The following MAP7 variants were observed in gnomAD, a reference collection of about 807,000 sequenced individuals.
The protein encoded by MAP7 is ensconsin.
MAP7 carries 52 observed loss-of-function variants against 94.8 expected under a neutral mutation model. The ratio of observed to expected loss-of-function variants is 0.55; its 90% confidence interval spans 0.44 to 0.69. The LOEUF is 0.69. Ranked by LOEUF, MAP7 falls within the 30% of genes least tolerant of loss-of-function variation. MAP7 has a pLI of 0.00. For synonymous variants in MAP7, 350 were observed against 357.0 expected, an observed-to-expected ratio of 0.98 and a Z score of 0.22; for missense variants, 940 against 964.6, an observed-to-expected ratio of 0.97 and a Z score of 0.34.
intron 3 of MAP7, among the ~76,000 whole-genome samples, chr6:136,409,434 T>C (rs1380240414): frequency 6.6e-6 from 1 of 152,224 alleles, no homozygotes; most frequent in East Asian, 1.9e-4. Context: ...ATATCATATA[T>C]TGGCTCACCA....
chr6:136,520,261 T>C (rs929125666), intron 1 of MAP7, among the ~76,000 whole-genome samples: 2 of 149,814 alleles, frequency 1.3e-5, no homozygotes, highest in East Asian at 1.9e-4. Flanking sequence ...AACAAAGAGA[T>C]AATCTCTGGT....
intron 1 of MAP7, among the ~76,000 whole-genome samples, chr6:136,429,247 C>T (rs565063576): frequency 6.6e-6 from 1 of 152,138 alleles, no homozygotes; most frequent in African/African-American, 2.4e-5. Context: ...TAGAAAGGAG[C>T]GCTCAGTCTC....
chr6:136,362,629 GGGGACCGGGGCTGGAGCT>G lies in MAP7; in HGVS notation c.1329_1346del (p.Ala444_Pro449del). The G allele has an allele frequency of 6.2e-7, 1 of 1,612,530 alleles. No individual in the cohort carries two copies. Among genetic ancestry groups the G allele is most frequent in the Non-Finnish European group, 8.5e-7 (1 of 1,179,294 alleles). Reference sequence around the variant, plus strand: ...ACGGGGCTGAGACCATGGCTGGGGTGGGGACCGGGGCTGGAGCTGGGGCCGAGGCTGGAGCTGGGGCCG... The same window carrying G: ...ACGGGGCTGAGACCATGGCTGGGGTGGGGGCCGAGGCTGGAGCTGGGGCCG... On this transcript the variant is annotated inframe_deletion, in exon 11 of 18. Transcript: ENST00000354570.
chr6:136,402,540 T>G (rs1358299602), intron 3 of MAP7, among the ~76,000 whole-genome samples: 1 of 152,076 alleles, frequency 6.6e-6, no homozygotes, highest in Non-Finnish European at 1.5e-5. Flanking sequence ...GGGGTTGAGG[T>G]GCTAGAATAG....
chr6:136,433,271 C>T (rs897207805), intron 1 of MAP7, among the ~76,000 whole-genome samples: 1 of 152,210 alleles, frequency 6.6e-6, no homozygotes, highest in Non-Finnish European at 1.5e-5. Context: ...CAACTAATTT[C>T]ATCATTTTCA....
chr6:136,377,769 A>T lies in MAP7; in HGVS notation c.737T>A (p.Leu246Ter). Residue 246 changes from leucine (L) to a stop codon, truncating the protein, a stop_gained, in exon 7 of 18, where the codon TTG becomes TAG. Coordinates refer to ENST00000354570, the MANE Select transcript of MAP7 (RefSeq NM_003980.6). LOFTEE classifies it high-confidence loss of function. ...FLARSKSTAALSGEAASCSPI... is the reference protein window; with the variant it reads ...FLARSKSTAA ...GACAGTTTTACCTGCTTCTCCAGAC[A>T]AGGCAGCTGTGCTTTTACTTCTGGC... is the stretch of plus-strand genomic sequence containing the variant. 2 of 1,613,978 alleles carry T rather than the reference A, an allele frequency of 1.2e-6. No individual in the cohort carries two copies. Among genetic ancestry groups the T allele is most frequent in the Non-Finnish European group, 1.7e-6 (2 of 1,179,840 alleles).
chr6:136,411,734 T>G (rs1314647115), intron 2 of MAP7, 37 bp from the exon 3 acceptor site: 4 of 1,438,206 alleles, frequency 2.8e-6, no homozygotes, highest in Non-Finnish European at 1.9e-6. Context: ...AGATGAAGAG[T>G]GGATTAAAAA....
intron 1 of MAP7, among the ~76,000 whole-genome samples, chr6:136,516,385 T>G (rs958045608): frequency 7.2e-5 from 11 of 152,244 alleles, no homozygotes; most frequent in African/African-American, 2.6e-4. Context: ...CTTGAACTCC[T>G]GGGCTCAAAT....
At chr6:136,491,916 C>T (rs1224739426) in intron 1 of MAP7, among the ~76,000 whole-genome samples, 1 of 152,168 alleles carries the variant, frequency 6.6e-6, no homozygotes, top group Non-Finnish European at 1.5e-5. Flanking sequence ...AGAGCTACTC[C>T]ATAATTAATC....
At chr6:136,455,765 G>A (rs1168268587) in intron 1 of MAP7, among the ~76,000 whole-genome samples, 1 of 152,004 alleles carries the variant, frequency 6.6e-6, no homozygotes, top group Non-Finnish European at 1.5e-5. Flanking sequence ...TTATTTAATG[G>A]ATTTTGAGCC....
intron 17 of MAP7, 119 bp from the exon 18 acceptor site, chr6:136,344,357 A>G: frequency 2.6e-6 from 1 of 386,876 alleles, no homozygotes; most frequent in Non-Finnish European, 4.6e-6. Context: ...ATATACACTT[A>G]TATAAGAATA....
intron 3 of MAP7, among the ~76,000 whole-genome samples, chr6:136,395,539 G>A (rs1236597623): frequency 2.0e-5 from 3 of 148,374 alleles, no homozygotes; most frequent in African/African-American, 7.5e-5. Flanking sequence ...TTCCTTTGCT[G>A]TGCAGAAGGT....
chr6:136,358,997 A>G (rs555184420), intron 15 of MAP7, among the ~76,000 whole-genome samples: 1 of 152,340 alleles, frequency 6.6e-6, no homozygotes, highest in African/African-American at 2.4e-5. Context: ...AGCTTCAAAA[A>G]TGCTTGTTGA....
intron 1 of MAP7, among the ~76,000 whole-genome samples, chr6:136,432,394 G>C (rs901168533): frequency 1.5e-4 from 23 of 152,286 alleles, no homozygotes; most frequent in East Asian, 1.9e-4. Flanking sequence ...AAGCAGAGCA[G>C]CTTTAGATTT....
chr6:136,458,196 T>C (rs1803992195), intron 1 of MAP7, among the ~76,000 whole-genome samples: 1 of 151,996 alleles, frequency 6.6e-6, no homozygotes. Flanking sequence ...GCATCAAAAA[T>C]TACTTAGGAA....
chr6:136,460,620 G>C (rs1394474943), intron 1 of MAP7, among the ~76,000 whole-genome samples: 2 of 152,008 alleles, frequency 1.3e-5, no homozygotes, highest in Non-Finnish European at 2.9e-5. Flanking sequence ...AGGTTAGAAG[G>C]GTCCTCTGTC....
At position 136,449,018 on chromosome 6, in the gene MAP7, A is replaced by AAAAAG. The variant is rs1554257989; in HGVS notation, c.68-27220_68-27219insCTTTT. On this transcript the variant is annotated intron_variant, in intron 1 of 17. Transcript: ENST00000354570. ...CAGTGGTGTTAAAAAAAAAAAAAAA[A>AAAAAG]AAGAAGCAAGCCAGGCACAGTGGCT... Among the ~76,000 whole-genome samples the AAAAAG allele has an allele frequency of 1.4e-3, 195 of 143,624 alleles. 1 individual carries two copies. The highest frequency in any genetic ancestry group is 2.5e-3 in the African/African-American group (98 of 38,770). The allele number at this position is 143,624 out of a possible 152,430, so 94.2% of individuals were successfully genotyped here. A position where few individuals can be genotyped will look rare whatever the true frequency, so the allele number is the denominator to read the frequency against.
intron 1 of MAP7, among the ~76,000 whole-genome samples, chr6:136,503,648 A>G (rs1014717221): frequency 6.6e-6 from 1 of 152,356 alleles, no homozygotes; most frequent in African/African-American, 2.4e-5. Context: ...CCTTTCCATT[A>G]TTTAAAAAAA....
Position 136,550,035 on chromosome 6 carries a change from C to T in MAP7, c.67+307G>A, listed in dbSNP as rs1174407696. On this transcript the variant is annotated intron_variant, in intron 1 of 17. Transcript: ENST00000354570. The surrounding 1 kb of genome is among the most constrained non-coding windows in gnomAD (Gnocchi z 5.1). ...CCCGAGGCCGCGGCGGGGAGGGCAG[C>T]GGCCGGGGTCTCTCCGTTTCCTCCC... 6.6e-6 allele frequency among the ~76,000 whole-genome samples: 1 copy of T among 151,696 alleles called. No individual in the cohort carries two copies. Among genetic ancestry groups the T allele is most frequent in the East Asian group, 1.9e-4 (1 of 5,132 alleles).
Sources: allele counts gnomAD v4.1 joint callset (sites outside exome capture counted in the v4.1 genomes callset), GRCh38; gene constraint gnomAD v4.1.1; non-coding constraint Gnocchi (gnomAD v3.1); transcripts MANE v1.5; gene names NCBI Gene and HGNC (gene_info 2026-07-23, HGNC 2026-07-21).